The following IGF2BP3 variants were observed in gnomAD, a reference collection of about 807,000 sequenced individuals.
IGF2BP3 encodes insulin like growth factor 2 mRNA binding protein 3.
In IGF2BP3, 9 loss-of-function variants were observed where a neutral mutation model predicts 73.8. The observed-to-expected ratio is 0.12, with a 90% confidence interval of 0.07 to 0.21. IGF2BP3 has a LOEUF of 0.21. IGF2BP3 is among the 10% of genes least tolerant of loss of function. The probability of loss-of-function intolerance (pLI) is 1.00; values close to 1 mark genes in which losing one functional copy is unlikely to be tolerated. For synonymous variants in IGF2BP3, 258 were observed against 256.7 expected (o/e 1.01, Z -0.05); for missense variants, 542 against 714.0 (o/e 0.76, Z 2.75).
chr7:23,418,781 A>G lies in IGF2BP3; in HGVS notation c.280T>C (p.Trp94Arg). 6.3e-7 allele frequency: 1 copy of G among 1,575,552 alleles called. No homozygotes were observed. The highest frequency in any genetic ancestry group is 8.7e-7 in the Non-Finnish European group (1 of 1,152,544). Residue 94 changes from tryptophan to arginine, a missense_variant, in exon 3 of 15, where the codon TGG becomes CGG. Transcript: ENST00000258729. The part of the protein sequence containing the change: ...QIRNIPPHLQ[W>R]EVLDSLLVQY... ...TTAAATACAGAAATTCTTACCTCCCACTGTAAATGAGGCGGGATATTTCGT... is the reference window on the plus strand; with the variant it reads ...TTAAATACAGAAATTCTTACCTCCCGCTGTAAATGAGGCGGGATATTTCGT...
chr7:23,417,244 CAA>C (rs1286665989), intron 3 of IGF2BP3, among the ~76,000 whole-genome samples: 1 of 152,088 alleles, frequency 6.6e-6, no homozygotes, highest in African/African-American at 2.4e-5. Flanking sequence ...TAAAGGGAGT[CAA>C]AGGTGAAGAA....
intron 3 of IGF2BP3, among the ~76,000 whole-genome samples, chr7:23,408,437 T>C (rs1011817900): frequency 2.0e-5 from 3 of 151,640 alleles, no homozygotes; most frequent in Non-Finnish European, 2.9e-5. Flanking sequence ...TAAAAACAAG[T>C]GGAAGTCCAA....
At chr7:23,431,634 AG>A (rs145661428) in intron 2 of IGF2BP3, among the ~76,000 whole-genome samples, 3,231 of 151,796 alleles carry the variant, frequency 0.021, 85 homozygotes, top group African/African-American at 0.068. Flanking sequence ...GGAGGAAGGA[AG>A]GGGGAAAAAA....
chr7:23,438,849 T>G (rs1162300920), intron 2 of IGF2BP3, among the ~76,000 whole-genome samples: 1 of 152,168 alleles, frequency 6.6e-6, no homozygotes, highest in Non-Finnish European at 1.5e-5. Context: ...ATCTACTTAA[T>G]AAACTCATAA....
chr7:23,443,297 G>C (rs1287047438), intron 2 of IGF2BP3, among the ~76,000 whole-genome samples: 1 of 151,574 alleles, frequency 6.6e-6, no homozygotes, highest in Non-Finnish European at 1.5e-5. Context: ...AGCTAATTTT[G>C]TATTTTTAGT....
At chr7:23,316,914 A>T (rs969472800) in intron 12 of IGF2BP3, among the ~76,000 whole-genome samples, 1 of 152,210 alleles carries the variant, frequency 6.6e-6, no homozygotes, top group Non-Finnish European at 1.5e-5. Flanking sequence ...GCACTTTTCT[A>T]AACATTTCAT....
At chr7:23,450,946 T>G (rs1788182251) in intron 2 of IGF2BP3, among the ~76,000 whole-genome samples, 1 of 152,228 alleles carries the variant, frequency 6.6e-6, no homozygotes, top group Admixed American at 6.5e-5. Context: ...AAAGAATATC[T>G]GTAATTATTT....
chr7:23,382,249 C>T (rs1785935792), intron 3 of IGF2BP3, among the ~76,000 whole-genome samples: 1 of 151,664 alleles, frequency 6.6e-6, no homozygotes, highest in Non-Finnish European at 1.5e-5. Context: ...TTTAAAAAAA[C>T]AAAAAACAAA....
intron 2 of IGF2BP3, chr7:23,467,800 CTTAA>C (rs1447508343): frequency 6.5e-6 from 1 of 153,112 alleles, no homozygotes; most frequent in Non-Finnish European, 1.5e-5. Context: ...AATCCCCGTC[CTTAA>C]GTAGTACGAA....
chr7:23,320,883 C>A (rs1271760963), intron 10 of IGF2BP3, among the ~76,000 whole-genome samples: 1 of 134,926 alleles, frequency 7.4e-6, no homozygotes, highest in Non-Finnish European at 1.5e-5. Context: ...CCAGGTGGTT[C>A]AGGATGCAGT....
At chr7:23,368,597 C>T (rs1230906905) in intron 3 of IGF2BP3, among the ~76,000 whole-genome samples, 2 of 151,902 alleles carry the variant, frequency 1.3e-5, no homozygotes, top group African/African-American at 2.4e-5. Context: ...GATGGTTGCA[C>T]GTATCTATTA....
chr7:23,452,558 C>T (rs1413489385), intron 2 of IGF2BP3, among the ~76,000 whole-genome samples: 1 of 152,062 alleles, frequency 6.6e-6, no homozygotes, highest in Non-Finnish European at 1.5e-5. Flanking sequence ...AATCCTAACA[C>T]TTTGGGAGGC....
At chr7:23,317,387 T>G (rs1323169622) in intron 12 of IGF2BP3, among the ~76,000 whole-genome samples, 1 of 152,226 alleles carries the variant, frequency 6.6e-6, no homozygotes, top group Non-Finnish European at 1.5e-5. Flanking sequence ...CACCTTAGCA[T>G]AGGATTACAA....
intron 3 of IGF2BP3, among the ~76,000 whole-genome samples, chr7:23,395,066 T>A (rs189233080): frequency 6.6e-5 from 10 of 152,208 alleles, no homozygotes; most frequent in Admixed American, 6.5e-4. Flanking sequence ...GAGGCTGGCA[T>A]CTGGAGGCAC....
rs1379117354 is a variant in IGF2BP3 at position 23,366,572 on chromosome 7, A to AAC, written c.286-4832_286-4831insGT. On this transcript the variant is annotated intron_variant, in intron 3 of 14. Coordinates refer to ENST00000258729, the MANE Select transcript of IGF2BP3 (RefSeq NM_006547.3). ...AAGTAAAAAAGAAAAAAAAAAAAAA[A>AAC]CCACAAGCAAAAAAACCCCTCTAAT... Among the ~76,000 whole-genome samples, 357 of 151,282 alleles carry AAC rather than the reference A, an allele frequency of 2.4e-3. 2 individuals are homozygous for AAC. The highest frequency in any genetic ancestry group is 8.1e-3 in the African/African-American group (333 of 41,018).
In IGF2BP3 at chr7:23,317,043, A is replaced by C. The variant is rs912740519; in HGVS notation, c.1395+596T>G. ...GGCAAATGGCAGAGCTAGGATTTGAACTAGCAGCCTGGCTGCCAAGTCTCA... is the reference window on the plus strand; with the variant it reads ...GGCAAATGGCAGAGCTAGGATTTGACCTAGCAGCCTGGCTGCCAAGTCTCA... On this transcript the variant is annotated intron_variant, in intron 12 of 14. Transcript: ENST00000258729. 2.0e-5 allele frequency among the ~76,000 whole-genome samples: 3 copies of C among 152,208 alleles called. No individual in the cohort carries two copies. The East Asian group carries it at 5.8e-4, about 29-fold the overall frequency.
chr7:23,359,644 C>G (rs865973280), intron 5 of IGF2BP3, among the ~76,000 whole-genome samples: 2 of 151,886 alleles, frequency 1.3e-5, no homozygotes, highest in South Asian at 4.2e-4. Context: ...CCCACGAGTT[C>G]AAGACCAGCC....
intron 2 of IGF2BP3, among the ~76,000 whole-genome samples, chr7:23,446,380 G>A (rs1788065435): frequency 6.6e-6 from 1 of 152,052 alleles, no homozygotes; most frequent in Non-Finnish European, 1.5e-5. Flanking sequence ...TGGCCAACAT[G>A]GTGAAACCTC....
chr7:23,351,170 TAC>T, intron 6 of IGF2BP3, 133 bp downstream of exon 6: 1 of 875,866 alleles, frequency 1.1e-6, no homozygotes, highest in Non-Finnish European at 1.7e-6. Context: ...GCAAGATTTT[TAC>T]ACATTCCCAA....
Sources: gnomAD v4.1 joint callset for allele counts (sites outside exome capture counted in the v4.1 genomes callset) on GRCh38, gnomAD v4.1.1 for gene constraint, MANE v1.5 for transcripts, NCBI Gene and HGNC (gene_info 2026-07-23, HGNC 2026-07-21) for gene names.